Variants in MIS18BP1 observed in about 807,000 individuals in gnomAD.
MIS18BP1 encodes the protein MIS18 binding protein 1.
MIS18BP1 carries 72 observed loss-of-function variants against 116.1 expected under a neutral mutation model. The observed-to-expected ratio is 0.62, with a 90% CI of 0.51 to 0.75. MIS18BP1 has a LOEUF of 0.75. Ranked by LOEUF, MIS18BP1 falls within the 30% of genes least tolerant of loss-of-function variation. MIS18BP1 has a pLI of 0.00. For synonymous variants in MIS18BP1, 386 were observed against 427.0 expected (o/e 0.90, Z 1.18); for missense variants, 1,363 against 1,303.2 (o/e 1.05, Z -0.71).
intron 11 of MIS18BP1, among the ~76,000 whole-genome samples, chr14:45,223,249 G>C (rs1035327921): frequency 6.6e-6 from 1 of 152,020 alleles, no homozygotes; most frequent in Non-Finnish European, 1.5e-5. Context: ...TAGTATCCTT[G>C]AGTCTCACTT....
At chr14:45,207,829 TGAA>T (rs1890561224) in intron 14 of MIS18BP1, among the ~76,000 whole-genome samples, 1 of 152,078 alleles carries the variant, frequency 6.6e-6, no homozygotes, top group Non-Finnish European at 1.5e-5. Context: ...TCAGAGAGAG[TGAA>T]GAAGCCTAAG....
rs370493298 is a variant in MIS18BP1, at chr14:45,210,375, T to C, written c.3152+5A>G. ...AATTAACATATCATATGCATGAATATTTACCTATTTATAGAACCTAGCATG... is the reference window on the plus strand; with the variant it reads ...AATTAACATATCATATGCATGAATACTTACCTATTTATAGAACCTAGCATG... On this transcript the variant is annotated splice_donor_5th_base_variant and intron_variant, in intron 14 of 16. Transcript: ENST00000310806. The C allele has an allele frequency of 1.2e-6, 2 of 1,612,568 alleles. No individual in the cohort carries two copies. Among genetic ancestry groups the C allele is most frequent in the African/African-American group, 2.7e-5 (2 of 74,910 alleles).
intron 1 of MIS18BP1, among the ~76,000 whole-genome samples, chr14:45,251,993 A>T (rs1891887207): frequency 6.6e-6 from 1 of 152,246 alleles, no homozygotes; most frequent in Non-Finnish European, 1.5e-5. Flanking sequence ...GAATATTTAC[A>T]TGCCAGCCAC....
chr14:45,223,879 T>C (rs1227741208), intron 11 of MIS18BP1, 39 bp downstream of exon 11: 23 of 1,422,592 alleles, frequency 1.6e-5, no homozygotes, highest in Non-Finnish European at 2.2e-5. Context: ...GTCTTGTGGC[T>C]GCTCTGTAGA....
In MIS18BP1 at chr14:45,206,158, A is replaced by G; in HGVS notation, c.3165T>C (p.Asp1055=). 1 of 1,600,798 alleles carries G rather than the reference A, an allele frequency of 6.2e-7. No individual in the cohort carries two copies. The highest frequency in any genetic ancestry group is 8.6e-7 in the Non-Finnish European group (1 of 1,169,184). The change falls in exon 15 of 17, where the codon GAT becomes GAC. Residue 1055 remains aspartate, a synonymous_variant. Coordinates refer to ENST00000310806, the MANE Select transcript of MIS18BP1 (RefSeq NM_018353.5). The part of the protein sequence containing the change: ...MLGSINRNDC[D]KYVFRMQKYH... ...ATTTTTGCATACGAAAAACATATTT[A>G]TCACAGTCATTCCTGTTTGAATACG...
chr14:45,211,654 G>C (rs1890675697), intron 13 of MIS18BP1, among the ~76,000 whole-genome samples: 1 of 152,128 alleles, frequency 6.6e-6, no homozygotes, highest in Non-Finnish European at 1.5e-5. Flanking sequence ...CCTATTGCTG[G>C]TTACAATTTT....
chr14:45,231,870 C>A (rs1891287129), intron 7 of MIS18BP1, among the ~76,000 whole-genome samples: 1 of 152,030 alleles, frequency 6.6e-6, no homozygotes, highest in African/African-American at 2.4e-5. Flanking sequence ...TTCTGTCTTT[C>A]ACCAGCATCA....
intron 12 of MIS18BP1, among the ~76,000 whole-genome samples, chr14:45,217,386 A>C (rs1890851657): frequency 6.6e-6 from 1 of 152,138 alleles, no homozygotes. Context: ...CCAGGAGTTC[A>C]AGAACTGCCT....
intron 15 of MIS18BP1, among the ~76,000 whole-genome samples, chr14:45,205,591 G>T (rs1890492682): frequency 6.6e-6 from 1 of 152,028 alleles, no homozygotes; most frequent in African/African-American, 2.4e-5. Context: ...AAATTTTTCT[G>T]TAGTTGGATT....
intron 14 of MIS18BP1, among the ~76,000 whole-genome samples, chr14:45,209,711 T>C (rs2139144454): frequency 6.6e-6 from 1 of 152,328 alleles, no homozygotes; most frequent in Non-Finnish European, 1.5e-5. Flanking sequence ...TAAACAATGC[T>C]ACAATGAATA....
At chr14:45,252,245 G>A (rs944604237) in intron 1 of MIS18BP1, among the ~76,000 whole-genome samples, 3 of 152,070 alleles carry the variant, frequency 2.0e-5, no homozygotes, top group African/African-American at 7.2e-5. Context: ...CAACCCAGAT[G>A]TCTACCAATA....
In MIS18BP1 at chr14:45,210,483, T is replaced by C. The variant is rs776009612; in HGVS notation, c.3049A>G (p.Asn1017Asp). ...GGAGTTGTTGGATTTTTGTCCATAT[T>C]TGGCAGAATATCATCATCATCTTCA... is the stretch of plus-strand genomic sequence containing the variant. ...DSEDDDDILP[N>D]MDKNPTTPSS... The change falls in exon 14 of 17, where the codon AAT becomes GAT. Residue 1017 changes from asparagine (N) to aspartate (D), a missense_variant. Physicochemically the swap from Asn to Asp is conservative, Grantham distance 23 (BLOSUM62 1). Transcript: ENST00000310806. The C allele has an allele frequency of 6.2e-6, 10 of 1,613,976 alleles. No homozygotes were observed. The East Asian group carries it at 1.3e-4, about 22-fold the overall frequency.
rs1172586610 is a variant in MIS18BP1, at chr14:45,231,169, G to A, written c.1566C>T (p.Thr522=). 1 of 1,613,336 alleles carries A rather than the reference G, an allele frequency of 6.2e-7. No homozygotes were observed. Among genetic ancestry groups the A allele is most frequent in the African/African-American group, 1.3e-5 (1 of 74,886 alleles). ...AATTATCACAATCAAAATCGTAAGT[G>A]GTGGTGGCTCTTTGAGCAGTATCTG... ...NQTDTAQRAT[T]TYDFDCDNLE... The change falls in exon 8 of 17, where the codon ACC becomes ACT. Residue 522 remains threonine, a synonymous_variant. Coordinates refer to ENST00000310806, the MANE Select transcript of MIS18BP1 (RefSeq NM_018353.5).
chr14:45,252,140 C>A (rs1383834969), intron 1 of MIS18BP1, among the ~76,000 whole-genome samples: 6 of 152,180 alleles, frequency 3.9e-5, no homozygotes, highest in African/African-American at 1.4e-4. Context: ...GGAACCGATT[C>A]TACCCGACTC....
chr14:45,252,032 T>G (rs1891888580), intron 1 of MIS18BP1, among the ~76,000 whole-genome samples: 1 of 152,116 alleles, frequency 6.6e-6, no homozygotes, highest in South Asian at 2.1e-4. Flanking sequence ...CTCTAAAGAG[T>G]TAAGTACTGT....
At chr14:45,251,541 G>A (rs1594533206) in intron 1 of MIS18BP1, among the ~76,000 whole-genome samples, 1 of 152,088 alleles carries the variant, frequency 6.6e-6, no homozygotes, top group South Asian at 2.1e-4. Flanking sequence ...CTATGGAATG[G>A]GTCAAAAATC....
intron 6 of MIS18BP1, among the ~76,000 whole-genome samples, chr14:45,235,422 C>G (rs1891397566): frequency 6.6e-6 from 1 of 151,172 alleles, no homozygotes; most frequent in Non-Finnish European, 1.5e-5. Context: ...GAAACCCCGT[C>G]TCTACTAAAA....
intron 14 of MIS18BP1, among the ~76,000 whole-genome samples, chr14:45,208,911 C>T (rs1890599662): frequency 6.6e-6 from 1 of 152,200 alleles, no homozygotes; most frequent in African/African-American, 2.4e-5. Flanking sequence ...TGGCCTCTTA[C>T]TTGCCAAATG....
intron 11 of MIS18BP1, among the ~76,000 whole-genome samples, chr14:45,222,683 G>C (rs1440356219): frequency 6.6e-6 from 1 of 152,112 alleles, no homozygotes; most frequent in African/African-American, 2.4e-5. Context: ...ATGCTCTTTA[G>C]GACCATGTCC....
Sources: gnomAD v4.1 joint callset for allele counts (sites outside exome capture counted in the v4.1 genomes callset) on GRCh38, gnomAD v4.1.1 for gene constraint, MANE v1.5 for transcripts, NCBI Gene and HGNC (gene_info 2026-07-23, HGNC 2026-07-21) for gene names.